The following FAM120A variants were observed in gnomAD, a reference collection of about 807,000 sequenced individuals.
FAM120A encodes family with sequence similarity 120 member A.
Under a neutral mutation model 109.7 loss-of-function variants are expected in FAM120A, and 15 were observed. The observed-to-expected ratio is 0.14, with a 90% CI of 0.09 to 0.21. The LOEUF (loss-of-function observed/expected upper bound fraction) is 0.21. Among genes scored for constraint, FAM120A ranks in the 10% least tolerant of loss-of-function variants. The pLI is 1.00. For synonymous variants in FAM120A, 493 were observed against 572.8 expected, an observed-to-expected ratio of 0.86 and a Z score of 1.99; for missense variants, 899 against 1,439.3, an observed-to-expected ratio of 0.62 and a Z score of 6.07.
In FAM120A at chr9:93,498,907, G is replaced by A; in HGVS notation, c.1030+21G>A. 3.9e-6 allele frequency: 5 copies of A among 1,290,728 alleles called. No homozygotes were observed. The Admixed American group carries it at 5.1e-5, about 13-fold the overall frequency. 80.0% of individuals were successfully genotyped at this position (1,290,728 alleles called of 1,614,324 possible). A position where few individuals can be genotyped will look rare whatever the true frequency, so the allele number is the denominator to read the frequency against. On this transcript the variant is annotated intron_variant, in intron 5 of 17. Coordinates refer to ENST00000277165, the MANE Select transcript of FAM120A (RefSeq NM_014612.5). The surrounding 1 kb of genome is among the most constrained non-coding windows in gnomAD (Gnocchi z 4.4). ...CTTAGGTAAGTAAATAAAAGCCTGT[G>A]ATCAATATTGACCATATGATAATCC...
rs1021321183 is a variant in FAM120A, at chr9:93,492,981, C to T, written c.805-4490C>T. 2.6e-5 allele frequency among the ~76,000 whole-genome samples: 4 copies of T among 152,248 alleles called. No individual in the cohort carries two copies. In the East Asian group the frequency reaches 7.7e-4, roughly 29 times the overall value. ...AAGCCATCGTCATGGGCTGCACATG[C>T]CCCTGGGAGACAGGAGGCCCTGCAC... is the stretch of plus-strand genomic sequence containing the variant. On this transcript the variant is annotated intron_variant, in intron 3 of 17. Transcript: ENST00000277165.
intron 5 of FAM120A, among the ~76,000 whole-genome samples, chr9:93,508,606 C>A (rs1588858598): frequency 6.6e-6 from 1 of 152,160 alleles, no homozygotes; most frequent in Non-Finnish European, 1.5e-5. Flanking sequence ...TTGTGACAAA[C>A]CTGAGGGAGA....
chr9:93,557,222 C>T (rs187412082), intron 13 of FAM120A, among the ~76,000 whole-genome samples: 53 of 151,572 alleles, frequency 3.5e-4, no homozygotes, highest in African/African-American at 1.3e-3. Flanking sequence ...CTCCACCTCC[C>T]AGGTTCAAGT....
chr9:93,548,032 C>T (rs1861952790), intron 11 of FAM120A, among the ~76,000 whole-genome samples: 1 of 152,008 alleles, frequency 6.6e-6, no homozygotes, highest in Admixed American at 6.6e-5. Flanking sequence ...TTCTGAGAGT[C>T]TTAGCTGCCA....
intron 3 of FAM120A, among the ~76,000 whole-genome samples, chr9:93,487,425 G>C (rs550598364): frequency 6.6e-6 from 1 of 152,306 alleles, no homozygotes; most frequent in South Asian, 2.1e-4. Flanking sequence ...GCCTCCCAAA[G>C]TGCTGGGATT....
intron 16 of FAM120A, among the ~76,000 whole-genome samples, 157 bp downstream of exon 16, chr9:93,561,407 TTTATC>T (rs1862460852): frequency 6.6e-6 from 1 of 152,216 alleles, no homozygotes; most frequent in African/African-American, 2.4e-5. Flanking sequence ...TATTTATTTA[TTTATC>T]TTAAGATGGG....
chr9:93,459,145 T>C (rs1439810952), intron 1 of FAM120A, among the ~76,000 whole-genome samples: 4 of 152,210 alleles, frequency 2.6e-5, no homozygotes, highest in Non-Finnish European at 5.9e-5. Context: ...TTTGAAAAAG[T>C]GGACTGGGAA....
At chr9:93,528,724 G>A (rs1050622440) in intron 8 of FAM120A, among the ~76,000 whole-genome samples, 15 of 152,178 alleles carry the variant, frequency 9.9e-5, no homozygotes, top group Non-Finnish European at 8.8e-5. Context: ...TGGCTTAGCA[G>A]GTTTTTGGGG....
chr9:93,550,814 TA>T, intron 12 of FAM120A, 123 bp downstream of exon 12: 2 of 633,238 alleles, frequency 3.2e-6, no homozygotes, highest in Non-Finnish European at 5.6e-6. Context: ...TCCACTAAAC[TA>T]ATAATACTAA....
intron 16 of FAM120A, 112 bp from the exon 17 acceptor site, chr9:93,562,096 T>G: frequency 1.1e-6 from 1 of 910,538 alleles, no homozygotes; most frequent in Non-Finnish European, 1.7e-6. Flanking sequence ...ATGGGTTAAT[T>G]CAGTGCTTCA....
At chr9:93,524,694 T>C (rs554459334) in intron 7 of FAM120A, among the ~76,000 whole-genome samples, 44 of 152,336 alleles carry the variant, frequency 2.9e-4, no homozygotes, top group African/African-American at 1.0e-3. Flanking sequence ...AGGGTCTGGG[T>C]TTGAATCCAG....
chr9:93,463,543 A>G (rs762816405), intron 1 of FAM120A, among the ~76,000 whole-genome samples: 2 of 152,172 alleles, frequency 1.3e-5, no homozygotes, highest in Non-Finnish European at 2.9e-5. Flanking sequence ...CTTATTCTTC[A>G]GTTGGACTAG....
chr9:93,487,450 C>A (rs1165372394), intron 3 of FAM120A, among the ~76,000 whole-genome samples: 1 of 152,222 alleles, frequency 6.6e-6, no homozygotes, highest in African/African-American at 2.4e-5. Context: ...GCATGAGCCA[C>A]CGCACCTGGC....
In FAM120A at chr9:93,516,130, C is replaced by T; in HGVS notation, c.1279C>T (p.His427Tyr). The change falls in exon 7 of 18, where the codon CAC (histidine) becomes TAC (tyrosine). Residue 427 changes from histidine to tyrosine, a missense_variant. Physicochemically the swap from His to Tyr is moderately conservative, Grantham distance 83. Transcript: ENST00000277165. ...CAGCAACATTCCTCACGAAGGGAAG[C>T]ACACGCCGCTGTATGAGCGGTCCTC... ...SYSNIPHEGKHTPLYERSSPI... is the reference protein window; with the variant it reads ...SYSNIPHEGKYTPLYERSSPI... The T allele has an allele frequency of 6.2e-7, 1 of 1,613,940 alleles. No individual in the cohort carries two copies. Among genetic ancestry groups the T allele is most frequent in the Non-Finnish European group, 8.5e-7 (1 of 1,179,864 alleles).
At chr9:93,506,775 T>C (rs961577750) in intron 5 of FAM120A, among the ~76,000 whole-genome samples, 2 of 152,026 alleles carry the variant, frequency 1.3e-5, no homozygotes, top group Non-Finnish European at 2.9e-5. Flanking sequence ...TTTTTGTATT[T>C]TTAGTAGAGA....
Position 93,527,260 on chromosome 9 carries a change from T to A in FAM120A, c.1506+18T>A. 6.2e-7 allele frequency: 1 copy of A among 1,604,764 alleles called. No individual in the cohort carries two copies. On this transcript the variant is annotated intron_variant, in intron 8 of 17. Transcript: ENST00000277165. ...AAACAAAGGTAGAAAGTCTATGCCTTTTAGTTTTTGAGTTCTGACTCATTT... is the reference window on the plus strand; with the variant it reads ...AAACAAAGGTAGAAAGTCTATGCCTATTAGTTTTTGAGTTCTGACTCATTT...
chr9:93,513,521 A>C (rs1482862963), intron 5 of FAM120A, among the ~76,000 whole-genome samples: 2 of 152,192 alleles, frequency 1.3e-5, no homozygotes, highest in African/African-American at 4.8e-5. Context: ...GTGACTACAC[A>C]CATGCCAGTC....
chr9:93,520,986 T>G (rs1036681151), intron 7 of FAM120A, among the ~76,000 whole-genome samples: 1 of 152,250 alleles, frequency 6.6e-6, no homozygotes, highest in African/African-American at 2.4e-5. Context: ...TTCAGTGTCT[T>G]TGTACTGTAC....
chr9:93,558,065 A>T, intron 14 of FAM120A, 55 bp downstream of exon 14: 1 of 1,485,704 alleles, frequency 6.7e-7, no homozygotes, highest in South Asian at 1.3e-5. Context: ...TCCTGTAAAG[A>T]AAGTGCAGCC....
Sources: allele counts gnomAD v4.1 joint callset (sites outside exome capture counted in the v4.1 genomes callset), GRCh38; gene constraint gnomAD v4.1.1; non-coding constraint Gnocchi (gnomAD v3.1); transcripts MANE v1.5; gene names NCBI Gene and HGNC (gene_info 2026-07-23, HGNC 2026-07-21).